Variants in ERCC8 observed in about 807,000 individuals in gnomAD.
The protein encoded by ERCC8 is DNA excision repair protein ERCC-8.
In ERCC8, 52 loss-of-function variants were observed where a neutral mutation model predicts 54.9. The observed-to-expected ratio is 0.95, with a 90% CI of 0.76 to 1.19. The LOEUF is 1.19. Ranked by LOEUF, ERCC8 falls within the 50% of genes most tolerant of loss-of-function variation. ERCC8 has a pLI of 0.00. For synonymous variants in ERCC8, 146 were observed against 157.2 expected, an observed-to-expected ratio of 0.93 and a Z score of 0.53; for missense variants, 514 against 466.1, an observed-to-expected ratio of 1.10 and a Z score of -0.95.
intron 4 of ERCC8, among the ~76,000 whole-genome samples, chr5:60,906,977 A>C (rs1749094165): frequency 1.3e-5 from 2 of 152,104 alleles, no homozygotes; most frequent in South Asian, 2.1e-4. Flanking sequence ...CTTTATTTAC[A>C]AAAAAAGGCC....
In ERCC8 at chr5:60,899,615, G is replaced by A. The variant is rs552249750; in HGVS notation, c.718+12C>T. 2.5e-5 allele frequency: 39 copies of A among 1,569,368 alleles called. No individual in the cohort carries two copies. The highest frequency in any genetic ancestry group is 5.0e-5 in the Admixed American group (3 of 59,912). ...CTATCATTGTCATATTTATTAATGC[G>A]TTCTTCCTTACCTGATTCAACAGCT... On this transcript the variant is annotated intron_variant, in intron 8 of 11. Coordinates refer to ENST00000676185, the MANE Select transcript of ERCC8 (RefSeq NM_000082.4).
At chr5:60,931,302 A>AT (rs750353658) in intron 1 of ERCC8, among the ~76,000 whole-genome samples, 113 of 151,842 alleles carry the variant, frequency 7.4e-4, no homozygotes, top group Non-Finnish European at 1.2e-3. Flanking sequence ...TTAACATTAA[A>AT]TTTTTTTTTA....
rs917062783 is a variant in ERCC8 at position 60,866,489 on chromosome 5, C to G, written c.*8126G>C. The G allele has an allele frequency of 1.3e-5, 2 of 151,890 alleles. No individual in the cohort carries two copies. The highest frequency in any genetic ancestry group is 6.6e-5 in the Admixed American group (1 of 15,262). The allele number at this position is 151,890 out of a possible 1,614,324, so 9.4% of individuals were successfully genotyped here. On this transcript the variant is annotated 3_prime_UTR_variant, in exon 12 of 12. Transcript: ENST00000676185. ...ATTTCAGAACTTTATTTCATTTATT[C>G]TTACAACTTTGTAAGGTGTATTTTA...
At chr5:60,916,721 T>A (rs1264223842) in intron 4 of ERCC8, among the ~76,000 whole-genome samples, 6 of 152,056 alleles carry the variant, frequency 3.9e-5, no homozygotes, top group Non-Finnish European at 7.4e-5. Flanking sequence ...TAGAAGTATA[T>A]TAAATTTACA....
intron 9 of ERCC8, chr5:60,892,133 C>A: frequency 2.0e-6 from 1 of 495,500 alleles, no homozygotes. Context: ...CACACATCCA[C>A]CTTACTGTTT....
At chr5:60,914,362 G>C (rs1413182784) in intron 4 of ERCC8, among the ~76,000 whole-genome samples, 2 of 151,862 alleles carry the variant, frequency 1.3e-5, no homozygotes, top group Non-Finnish European at 2.9e-5. Flanking sequence ...TGTCTCTTTT[G>C]ATCTTTGTTG....
intron 3 of ERCC8, among the ~76,000 whole-genome samples, chr5:60,920,371 TAACA>T: frequency 6.6e-6 from 1 of 152,158 alleles, no homozygotes; most frequent in East Asian, 1.9e-4. Context: ...AATGTAGTGA[TAACA>T]AATAAAAGCT....
chr5:60,923,924 A>T (rs1257140577), intron 2 of ERCC8, among the ~76,000 whole-genome samples: 1 of 152,108 alleles, frequency 6.6e-6, no homozygotes, highest in Non-Finnish European at 1.5e-5. Flanking sequence ...TTTTTATCGT[A>T]GTCACTGTCT....
chr5:60,918,610 C>G (rs1475907736), intron 3 of ERCC8: 1 of 528,822 alleles, frequency 1.9e-6, no homozygotes, highest in Non-Finnish European at 3.4e-6. Context: ...TACTAAGGGT[C>G]ACAATGTGAA....
In ERCC8 at chr5:60,944,920, G is replaced by C; in HGVS notation, c.77+12C>G. 1 of 1,608,596 alleles carries C rather than the reference G, an allele frequency of 6.2e-7. No individual in the cohort carries two copies. Among genetic ancestry groups the C allele is most frequent in the South Asian group, 1.1e-5 (1 of 90,964 alleles). On this transcript the variant is annotated intron_variant, in intron 1 of 11. Coordinates refer to ENST00000676185, the MANE Select transcript of ERCC8 (RefSeq NM_000082.4). ...AACTGGCCTGTTAGCCAAAAAGTAA[G>C]GTTTTCTTTACCTCCGTGTTGACTC... is the stretch of plus-strand genomic sequence containing the variant.
At chr5:60,884,131 A>G (rs1748323768) in intron 11 of ERCC8, among the ~76,000 whole-genome samples, 1 of 152,214 alleles carries the variant, frequency 6.6e-6, no homozygotes, top group Admixed American at 6.5e-5. Context: ...GTCCCAGATC[A>G]TAAGTAGAAT....
intron 11 of ERCC8, among the ~76,000 whole-genome samples, chr5:60,884,424 C>T (rs61101592): frequency 0.39 from 57,024 of 146,044 alleles, 12,027 homozygotes; most frequent in East Asian, 0.8. Flanking sequence ...TGCAGTGAAC[C>T]GAGATTGTGC....
At position 60,874,953 on chromosome 5, in the gene ERCC8, C is replaced by T. The variant is rs1048402860; in HGVS notation, c.1123-270G>A. ...TCACAAATACATACATACACACATACATACATATACTATGATGCTGCCATT... is the reference window on the plus strand; with the variant it reads ...TCACAAATACATACATACACACATATATACATATACTATGATGCTGCCATT... On this transcript the variant is annotated intron_variant, in intron 11 of 11. Coordinates refer to ENST00000676185, the MANE Select transcript of ERCC8 (RefSeq NM_000082.4). Among the ~76,000 whole-genome samples, 4 of 152,136 alleles carry T rather than the reference C, an allele frequency of 2.6e-5. No homozygotes were observed. The South Asian group carries it at 8.3e-4, about 32-fold the overall frequency.
intron 3 of ERCC8, among the ~76,000 whole-genome samples, 194 bp downstream of exon 3, chr5:60,921,860 G>A: frequency 6.6e-6 from 1 of 151,840 alleles, no homozygotes; most frequent in Non-Finnish European, 1.5e-5. Flanking sequence ...CTTTGGGGAA[G>A]ACACATGTTA....
At chr5:60,892,380 C>G (rs1177615202) in intron 9 of ERCC8, 1 of 547,986 alleles carries the variant, frequency 1.8e-6, no homozygotes, top group Non-Finnish European at 3.7e-6. Context: ...TCTTCATTGA[C>G]TTGCTCGGTA....
intron 11 of ERCC8, among the ~76,000 whole-genome samples, chr5:60,877,568 A>G (rs1034821108): frequency 6.6e-6 from 1 of 152,026 alleles, no homozygotes; most frequent in Non-Finnish European, 1.5e-5. Flanking sequence ...TGGTTTGTAG[A>G]TCTCCTTGAA....
At chr5:60,893,110 C>T in intron 9 of ERCC8, 1 of 778,194 alleles carries the variant, frequency 1.3e-6, no homozygotes, top group South Asian at 1.4e-5. Flanking sequence ...TTCTTGTTGC[C>T]TTCTGCCCAT....
chr5:60,892,332 G>C, intron 9 of ERCC8: 1 of 555,238 alleles, frequency 1.8e-6, no homozygotes, highest in Admixed American at 1.9e-5. Flanking sequence ...TCACCCAATA[G>C]CTCATCAGAT....
intron 1 of ERCC8, among the ~76,000 whole-genome samples, chr5:60,930,727 T>A (rs909401522): frequency 3.3e-5 from 5 of 151,984 alleles, no homozygotes; most frequent in African/African-American, 1.2e-4. Context: ...AATACATCTA[T>A]ATACATTGCA....
Sources: allele counts gnomAD v4.1 joint callset (sites outside exome capture counted in the v4.1 genomes callset), GRCh38; gene constraint gnomAD v4.1.1; transcripts MANE v1.5; gene names NCBI Gene and HGNC (gene_info 2026-07-23, HGNC 2026-07-21).